CERS4: variants seen among roughly 807,000 people sequenced by gnomAD.
CERS4 encodes the protein ceramide synthase 4.
In CERS4, 65 loss-of-function variants were observed where a neutral mutation model predicts 51.8. The observed-to-expected ratio is 1.26, with a 90% CI of 1.03 to 1.54. The LOEUF (loss-of-function observed/expected upper bound fraction) is 1.54. Among genes scored for constraint, CERS4 ranks in the 40% most tolerant of loss-of-function variants. The pLI, the probability that CERS4 is intolerant of heterozygous loss-of-function variation, is 0.00. For missense variants in CERS4, 563 were observed against 500.4 expected, an observed-to-expected ratio of 1.13 and a Z score of -1.19; for synonymous variants, 228 against 208.4, an observed-to-expected ratio of 1.09 and a Z score of -0.81.
At chr19:8,254,677 G>A (rs1416813609) in intron 4 of CERS4, 61 bp downstream of exon 4, 1 of 1,452,960 alleles carries the variant, frequency 6.9e-7, no homozygotes, top group Non-Finnish European at 9.4e-7. Flanking sequence ...CGTGGGGATG[G>A]TGTGTGGCCC....
chr19:8,260,296 G>A (rs1454833546), intron 10 of CERS4, among the ~76,000 whole-genome samples: 2 of 144,276 alleles, frequency 1.4e-5, no homozygotes, highest in Non-Finnish European at 3.0e-5. Context: ...CCGGGTTCAA[G>A]CAATTCTCCT....
chr19:8,214,195 C>T (rs1353107606), intron 2 of CERS4, among the ~76,000 whole-genome samples: 2 of 152,112 alleles, frequency 1.3e-5, no homozygotes, highest in East Asian at 3.8e-4. Flanking sequence ...TTCCTATCAG[C>T]TATGCCCTGG....
chr19:8,251,126 C>G lies in CERS4; in HGVS notation c.50C>G (p.Pro17Arg), dbSNP rs1969055356. 1 of 1,611,898 alleles carries G rather than the reference C, an allele frequency of 6.2e-7. No individual in the cohort carries two copies. Among genetic ancestry groups the G allele is most frequent in the Non-Finnish European group, 8.5e-7 (1 of 1,179,222 alleles). Residue 17 changes from proline (P) to arginine (R), a missense_variant, in exon 3 of 12, where the codon CCA becomes CGA. By Grantham distance (103) the Pro-to-Arg change is moderately radical. Transcript: ENST00000251363. ...TTTTGGCAGGACAGGTTCTGGTTAC[C>G]ACCCAATGTCACGTGGACAGAGCTA... ...EWFWQDRFWL[P>R]PNVTWTELED...
At chr19:8,254,062 C>T (rs926429049) in intron 3 of CERS4, among the ~76,000 whole-genome samples, 2 of 152,030 alleles carry the variant, frequency 1.3e-5, no homozygotes, top group Non-Finnish European at 2.9e-5. Flanking sequence ...TGGCTCACCG[C>T]TGGTAATCCC....
chr19:8,254,440 C>A, intron 3 of CERS4, 59 bp from the exon 4 acceptor site: 1 of 1,533,164 alleles, frequency 6.5e-7, no homozygotes, highest in Non-Finnish European at 9.0e-7. Flanking sequence ...TCTGCCCCCA[C>A]ACACAGGCAG....
At chr19:8,238,222 T>TAGG (rs1279489387) in intron 2 of CERS4, among the ~76,000 whole-genome samples, 2 of 152,092 alleles carry the variant, frequency 1.3e-5, no homozygotes, top group East Asian at 3.9e-4. Context: ...GGGAGAGACT[T>TAGG]AGAGGCAGAC....
chr19:8,246,395 C>CA (rs151035803), intron 2 of CERS4, among the ~76,000 whole-genome samples: 1,839 of 151,878 alleles, frequency 0.012, 34 homozygotes, highest in African/African-American at 0.042. Context: ...TCTCTCTACA[C>CA]AAAAATTTAA....
At chr19:8,254,880 C>A (rs1415167102) in intron 4 of CERS4, among the ~76,000 whole-genome samples, 1 of 152,208 alleles carries the variant, frequency 6.6e-6, no homozygotes, top group East Asian at 1.9e-4. Context: ...TGAGGACCCC[C>A]CCCTTCCCAG....
intron 2 of CERS4, among the ~76,000 whole-genome samples, chr19:8,226,379 T>A (rs1475108248): frequency 2.6e-5 from 4 of 152,126 alleles, no homozygotes; most frequent in Non-Finnish European, 5.9e-5. Context: ...AAGCCTGCTC[T>A]CCCACAGAAC....
At position 8,236,151 on chromosome 19, in the gene CERS4, C is replaced by T. The variant is rs185914706; in HGVS notation, c.-1-14925C>T. The stretch of plus-strand genomic sequence containing the variant: ...CGGAGCTTGCAGTGAGCCGAGATCG[C>T]GCCACTGCACTCCGGCCTGGGTGAC... On this transcript the variant is annotated intron_variant, in intron 2 of 11. Coordinates refer to ENST00000251363, the MANE Select transcript of CERS4 (RefSeq NM_024552.3). Among the ~76,000 whole-genome samples the T allele has an allele frequency of 4.4e-3, 672 of 152,098 alleles. 20 individuals carry two copies. Among genetic ancestry groups the T allele is most frequent in the Admixed American group, 0.035 (541 of 15,250 alleles).
At chr19:8,244,672 G>A (rs945022675) in intron 2 of CERS4, among the ~76,000 whole-genome samples, 3 of 151,998 alleles carry the variant, frequency 2.0e-5, no homozygotes, top group Admixed American at 6.6e-5. Flanking sequence ...ACCAACACCT[G>A]AGAATCCCTG....
At chr19:8,254,753 TTCA>T (rs1201126110) in intron 4 of CERS4, 137 bp downstream of exon 4, 5 of 718,270 alleles carry the variant, frequency 7.0e-6, no homozygotes, top group Admixed American at 2.3e-5. Flanking sequence ...CTTTCCACTC[TTCA>T]TCCTCAATTC....
chr19:8,244,305 A>G lies in CERS4; in HGVS notation c.-1-6771A>G, dbSNP rs140780379. Among the ~76,000 whole-genome samples the G allele has an allele frequency of 1.5e-3, 229 of 152,320 alleles. 3 individuals carry two copies. The highest frequency in any genetic ancestry group is 3.0e-3 in the Non-Finnish European group (204 of 68,020). On this transcript the variant is annotated intron_variant, in intron 2 of 11. Transcript: ENST00000251363. ...CAGGAGATCGAGGCTGCAGTGAGCT[A>G]TGATTGCACCGCTGCATTCCAGCCT...
At chr19:8,224,375 C>G (rs1233100510) in intron 2 of CERS4, among the ~76,000 whole-genome samples, 1 of 150,242 alleles carries the variant, frequency 6.7e-6, no homozygotes, top group African/African-American at 2.5e-5. Flanking sequence ...CCACTGCACT[C>G]CAGCCTGGGT....
At chr19:8,259,858 C>A (rs936819796) in intron 10 of CERS4, among the ~76,000 whole-genome samples, 1 of 152,160 alleles carries the variant, frequency 6.6e-6, no homozygotes, top group African/African-American at 2.4e-5. Context: ...GACAGAGAGT[C>A]TCAGTCCTCG....
intron 8 of CERS4, 60 bp from the exon 9 acceptor site, chr19:8,256,889 A>G: frequency 6.2e-7 from 1 of 1,612,156 alleles, no homozygotes; most frequent in Admixed American, 1.7e-5. Flanking sequence ...CTTGGCCCAT[A>G]GGGTGGGGGA....
rs200236442 is a variant in CERS4 at position 8,258,013 on chromosome 19, G to A, written c.848+28G>A. On this transcript the variant is annotated intron_variant, in intron 10 of 11. Transcript: ENST00000251363. ...GAGTCAGCCCTCCCATGGGGGTCAG[G>A]GAGGTGGGAGGGCGTGTCTGAGATT... 3.2e-4 allele frequency: 492 copies of A among 1,537,966 alleles called. 2 individuals are homozygous for A. In the African/African-American group the frequency reaches 6.3e-3, roughly 20 times the overall value.
Position 8,210,843 on chromosome 19 carries a change from C to G in CERS4, c.-21C>G, listed in dbSNP as rs1465912212. 1 of 152,250 alleles carries G rather than the reference C, an allele frequency of 6.6e-6. No individual in the cohort carries two copies. The highest frequency in any genetic ancestry group is 1.5e-5 in the Non-Finnish European group (1 of 68,116). 9.4% of individuals were successfully genotyped at this position (152,250 alleles called of 1,614,324 possible). On this transcript the variant is annotated 5_prime_UTR_variant, in exon 2 of 12. Transcript: ENST00000251363. The surrounding 1 kb of genome is among the most constrained non-coding windows in gnomAD (Gnocchi z 4.2). The stretch of plus-strand genomic sequence containing the variant: ...GGACTTTCCTTACCTGTTTTTCCAG[C>G]TCACCCACTGCCAGCAGAGGTACTT...
At chr19:8,256,055 C>T (rs1203806338) in intron 6 of CERS4, 176 bp downstream of exon 6, 3 of 931,846 alleles carry the variant, frequency 3.2e-6, no homozygotes, top group African/African-American at 1.6e-5. Context: ...ATTTACTATG[C>T]ACCAAAAGTT....
Sources: allele counts gnomAD v4.1 joint callset (sites outside exome capture counted in the v4.1 genomes callset), GRCh38; gene constraint gnomAD v4.1.1; non-coding constraint Gnocchi (gnomAD v3.1); transcripts MANE v1.5; gene names NCBI Gene and HGNC (gene_info 2026-07-23, HGNC 2026-07-21).